The following STARD9 variants were observed in gnomAD, a reference collection of about 807,000 sequenced individuals.
STARD9 encodes the protein stAR-related lipid transfer protein 9.
In STARD9, 346 loss-of-function variants were observed where a neutral mutation model predicts 399.8. That is an observed-to-expected ratio of 0.87 (90% CI 0.79 to 0.95). The LOEUF (loss-of-function observed/expected upper bound fraction) is 0.95, where lower values mean the gene tolerates loss of function less well. STARD9 is among the 40% of genes least tolerant of loss of function. The pLI is 0.00. For synonymous variants in STARD9, 2,203 were observed against 2,143.5 expected (o/e 1.03, Z -0.77); for missense variants, 5,832 against 5,667.5 (o/e 1.03, Z -0.93).
intron 15 of STARD9, among the ~76,000 whole-genome samples, chr15:42,667,775 G>T (rs1053441511): frequency 2.0e-5 from 3 of 152,128 alleles, no homozygotes; most frequent in Non-Finnish European, 4.4e-5. Flanking sequence ...CACCACACCC[G>T]GCAGACAGGT....
At chr15:42,603,440 C>G (rs2058668779) in intron 3 of STARD9, among the ~76,000 whole-genome samples, 3 of 151,984 alleles carry the variant, frequency 2.0e-5, no homozygotes, top group African/African-American at 7.3e-5. Flanking sequence ...GAATTGTGAG[C>G]AGGTGTGGAG....
chr15:42,608,630 T>C (rs149725550), intron 3 of STARD9, among the ~76,000 whole-genome samples: 140 of 152,342 alleles, frequency 9.2e-4, no homozygotes, highest in African/African-American at 3.2e-3. Flanking sequence ...ATAAAATTAT[T>C]AGCAACCAAA....
rs764060117 is a variant in STARD9, at chr15:42,681,506, G to A, written c.1959G>A (p.Gln653=). The change falls in exon 21 of 33, where the codon CAG becomes CAA. Residue 653 remains glutamine (Q), a synonymous_variant. Transcript: ENST00000290607. ...ETSHRAQIQQ[Q]QSYVEDLRHQ... ...CCCACAGGGCCCAGATTCAGCAGCA[G>A]CAGAGCTACGTAGAGGATTTGAGGC... 1.3e-6 allele frequency: 2 copies of A among 1,537,120 alleles called. No individual in the cohort carries two copies. The highest frequency in any genetic ancestry group is 1.7e-6 in the Non-Finnish European group (2 of 1,146,902).
intron 29 of STARD9, 61 bp downstream of exon 29, chr15:42,717,856 G>A: frequency 6.6e-7 from 1 of 1,514,380 alleles, no homozygotes; most frequent in South Asian, 1.2e-5. Flanking sequence ...ACCCTGCTTG[G>A]CTTCTCTCCT....
At chr15:42,699,614 C>T (rs931678811) in intron 26 of STARD9, among the ~76,000 whole-genome samples, 3 of 151,760 alleles carry the variant, frequency 2.0e-5, no homozygotes, top group South Asian at 2.1e-4. Flanking sequence ...AGGATGGTCT[C>T]GATTTCCTGA....
Position 42,687,900 on chromosome 15 carries a change from T to C in STARD9, c.6322T>C (p.Leu2108=), listed in dbSNP as rs934832640. Residue 2108 remains leucine, a synonymous_variant, in exon 23 of 33, where the codon TTG becomes CTG. Coordinates refer to ENST00000290607, the MANE Select transcript of STARD9 (RefSeq NM_020759.3). The stretch of plus-strand genomic sequence containing the variant: ...TAGGCCAGACAGCTCTGGAAACCCT[T>C]TGCCCTCTAAGGATCAGCCATCTTC... ...AFRPDSSGNP[L]PSKDQPSSPR... 6 of 1,537,088 alleles carry C rather than the reference T, an allele frequency of 3.9e-6. No homozygotes were observed. In the African/African-American group the frequency reaches 8.2e-5, roughly 21 times the overall value.
At chr15:42,617,380 G>A (rs187403913) in intron 3 of STARD9, among the ~76,000 whole-genome samples, 54 of 151,700 alleles carry the variant, frequency 3.6e-4, no homozygotes, top group Admixed American at 2.6e-4. Flanking sequence ...TTTTTCTTTG[G>A]AGACAGAGTT....
At chr15:42,652,667 T>C in intron 9 of STARD9, 75 bp downstream of exon 9, 1 of 1,329,976 alleles carries the variant, frequency 7.5e-7, no homozygotes. Context: ...TCTTCCTTCC[T>C]ATTTCTTTTT....
Position 42,634,933 on chromosome 15 carries a change from G to C in STARD9, c.312G>C (p.Gln104His). 2.6e-6 allele frequency: 4 copies of C among 1,537,028 alleles called. No individual in the cohort carries two copies. The highest frequency in any genetic ancestry group is 1.4e-5 in the African/African-American group (1 of 73,154). ...ACATATGCCTTTTTGCTTATGGACA[G>C]ACAGGCTCTGGGAAGACATATACCA... is the stretch of plus-strand genomic sequence containing the variant. ...GYNICLFAYG[Q>H]TGSGKTYTML... The change falls in exon 4 of 33, where the codon CAG becomes CAC. Residue 104 changes from glutamine to histidine, a missense_variant. Around this residue, in one of 2 missense-constraint regions of STARD9, gnomAD observed 5,828 missense variants for 5,651.1 expected, o/e 1.03. Coordinates refer to ENST00000290607, the MANE Select transcript of STARD9 (RefSeq NM_020759.3).
chr15:42,606,149 T>C (rs1363657500), intron 3 of STARD9, among the ~76,000 whole-genome samples: 4 of 152,196 alleles, frequency 2.6e-5, no homozygotes, highest in Admixed American at 6.5e-5. Context: ...TGAGTACTTA[T>C]CACCTTCACA....
chr15:42,584,349 A>G (rs911416373), intron 2 of STARD9, among the ~76,000 whole-genome samples: 1 of 152,176 alleles, frequency 6.6e-6, no homozygotes, highest in Non-Finnish European at 1.5e-5. Context: ...AGGACCTTTT[A>G]TTCTCTGCTG....
intron 10 of STARD9, among the ~76,000 whole-genome samples, chr15:42,661,437 C>A (rs1013508613): frequency 1.3e-5 from 2 of 152,058 alleles, no homozygotes; most frequent in Non-Finnish European, 2.9e-5. Flanking sequence ...ATTAAATCAC[C>A]TGAGGACCTT....
chr15:42,575,770 T>C lies in STARD9; in HGVS notation c.47+8T>C, dbSNP rs2058039435. The C allele has an allele frequency of 6.5e-7, 1 of 1,536,728 alleles. No individual in the cohort carries two copies. The highest frequency in any genetic ancestry group is 8.7e-7 in the Non-Finnish European group (1 of 1,146,784). ...CCGGCCGCTCAGCAAGAGGTGAGTC[T>C]CCGCGGGAGAGGGCGCCTGAGGCTT... On this transcript the variant is annotated splice_region_variant and intron_variant, in intron 1 of 32. Coordinates refer to ENST00000290607, the MANE Select transcript of STARD9 (RefSeq NM_020759.3).
At position 42,717,861 on chromosome 15, in the gene STARD9, TCTC is replaced by T. The variant is rs1000032500; in HGVS notation, c.13559+72_13559+74del. 13 of 1,509,246 alleles carry T rather than the reference TCTC, an allele frequency of 8.6e-6. No homozygotes were observed. In the African/African-American group the frequency reaches 1.1e-4, roughly 13 times the overall value. 93.5% of individuals were successfully genotyped at this position (1,509,246 alleles called of 1,614,324 possible). ...TAAGCTTGTCACCCTGCTTGGCTTCTCTCCTCCTTTCCCTTACCTGGATTCCTC... is the reference window on the plus strand; with the variant it reads ...TAAGCTTGTCACCCTGCTTGGCTTCTCTCCTTTCCCTTACCTGGATTCCTC... On this transcript the variant is annotated intron_variant, in intron 29 of 32. Coordinates refer to ENST00000290607, the MANE Select transcript of STARD9 (RefSeq NM_020759.3).
intron 3 of STARD9, among the ~76,000 whole-genome samples, chr15:42,619,993 T>C (rs16973395): frequency 0.015 from 2,209 of 152,310 alleles, 62 homozygotes; most frequent in African/African-American, 0.051. Flanking sequence ...TGTTCTGGCA[T>C]CTTTTAACTT....
chr15:42,660,074 A>G (rs188763315), intron 9 of STARD9, among the ~76,000 whole-genome samples: 2 of 152,322 alleles, frequency 1.3e-5, no homozygotes, highest in East Asian at 3.9e-4. Context: ...ATAAATCTCA[A>G]AATAATTATG....
chr15:42,595,909 G>T (rs890836354), intron 3 of STARD9, among the ~76,000 whole-genome samples: 6 of 152,172 alleles, frequency 3.9e-5, no homozygotes, highest in African/African-American at 1.4e-4. Context: ...CTGTGAGCTG[G>T]ATTTTAATCT....
intron 3 of STARD9, among the ~76,000 whole-genome samples, chr15:42,588,774 G>A (rs374276228): frequency 2.3e-5 from 2 of 86,906 alleles, no homozygotes; most frequent in South Asian, 4.5e-4. Context: ...CCTCTTCACA[G>A]CGTTTTTTTT....
chr15:42,671,940 C>G (rs916766187), intron 16 of STARD9: 1 of 152,218 alleles, frequency 6.6e-6, no homozygotes, highest in African/African-American at 2.4e-5. Flanking sequence ...TCACGCCCCG[C>G]TGGACTGCTG....
Sources: allele counts gnomAD v4.1 joint callset (sites outside exome capture counted in the v4.1 genomes callset), GRCh38; gene constraint gnomAD v4.1.1; regional missense constraint gnomAD v4.1.1; transcripts MANE v1.5; gene names NCBI Gene and HGNC (gene_info 2026-07-23, HGNC 2026-07-21).